The following FHIT variants were observed in gnomAD, a reference collection of about 807,000 sequenced individuals.
The protein encoded by FHIT is bis(5'-adenosyl)-triphosphatase.
FHIT carries 19 observed loss-of-function variants against 17.9 expected under a neutral mutation model. The observed-to-expected ratio is 1.06, with a 90% CI of 0.74 to 1.56. The LOEUF is 1.56. FHIT is among the 40% of genes most tolerant of loss of function. FHIT has a pLI of 0.00. For missense variants in FHIT, 248 were observed against 189.2 expected (o/e 1.31, Z -1.82); for synonymous variants, 81 against 69.7 (o/e 1.16, Z -0.81).
At chr3:61,192,728 C>T (rs1053062799) in intron 2 of FHIT, among the ~76,000 whole-genome samples, 1 of 152,028 alleles carries the variant, frequency 6.6e-6, no homozygotes, top group Non-Finnish European at 1.5e-5. Context: ...TAATTCCACC[C>T]ACATTCCCCA....
At position 60,521,590 on chromosome 3, in the gene FHIT, A is replaced by C. The variant is rs966125246; in HGVS notation, c.103+15270T>G. On this transcript the variant is annotated intron_variant, in intron 5 of 9. Transcript: ENST00000492590. ...ACCATGCTTCCAATATGCCAAATTT[A>C]TTCATTCTTCTGACTTCCATATCAC... Among the ~76,000 whole-genome samples, 3 of 152,300 alleles carry C rather than the reference A, an allele frequency of 2.0e-5. No individual in the cohort carries two copies. The Middle Eastern group carries it at 0.01, about 518-fold the overall frequency.
chr3:60,982,703 C>T (rs1425040268), intron 3 of FHIT, among the ~76,000 whole-genome samples: 1 of 152,176 alleles, frequency 6.6e-6, no homozygotes, highest in Non-Finnish European at 1.5e-5. Flanking sequence ...CACTTGTATC[C>T]TGTGATAAAC....
intron 5 of FHIT, among the ~76,000 whole-genome samples, chr3:60,413,024 T>A (rs1237729360): frequency 2.0e-5 from 3 of 152,152 alleles, no homozygotes; most frequent in Admixed American, 6.5e-5. Flanking sequence ...AAGCCCTTTT[T>A]CTTTACAGAT....
chr3:60,402,436 G>C (rs1701699561), intron 5 of FHIT, among the ~76,000 whole-genome samples: 1 of 152,124 alleles, frequency 6.6e-6, no homozygotes, highest in South Asian at 2.1e-4. Context: ...TCCAGGTATA[G>C]TTATAATCCT....
chr3:59,952,216 A>G (rs1219515323), intron 7 of FHIT, among the ~76,000 whole-genome samples: 3 of 152,156 alleles, frequency 2.0e-5, no homozygotes, highest in Non-Finnish European at 2.9e-5. Flanking sequence ...ATGATTTCAC[A>G]TCCCAAATCT....
chr3:59,858,365 T>G (rs993609877), intron 8 of FHIT, among the ~76,000 whole-genome samples: 1 of 150,550 alleles, frequency 6.6e-6, no homozygotes, highest in African/African-American at 2.4e-5. Context: ...TAGCTGGGAT[T>G]ACAGGCGCCC....
At chr3:60,066,750 G>A (rs948063088) in intron 5 of FHIT, among the ~76,000 whole-genome samples, 8 of 140,166 alleles carry the variant, frequency 5.7e-5, no homozygotes, top group South Asian at 2.3e-4. Context: ...TCCGCCTCGC[G>A]GGTTCACGCC....
At chr3:60,356,016 A>G (rs959138467) in intron 5 of FHIT, among the ~76,000 whole-genome samples, 1 of 152,206 alleles carries the variant, frequency 6.6e-6, no homozygotes, top group Admixed American at 6.5e-5. Context: ...CAGAGATCCA[A>G]AAATAATAAC....
chr3:60,953,808 G>A (rs1021388287), intron 3 of FHIT, among the ~76,000 whole-genome samples: 5 of 152,166 alleles, frequency 3.3e-5, no homozygotes, highest in African/African-American at 4.8e-5. Flanking sequence ...AGACGAAGAC[G>A]AGAAGGGTGC....
chr3:60,008,316 G>A lies in FHIT; in HGVS notation c.279+3055C>T, dbSNP rs138158461. The stretch of plus-strand genomic sequence containing the variant: ...GCAATAATCACCTTGTGGATGGCAG[G>A]GTTCTACTCCTTTTAAACCCAAAAA... On this transcript the variant is annotated intron_variant, in intron 7 of 9. Coordinates refer to ENST00000492590, the MANE Select transcript of FHIT (RefSeq NM_002012.4). 6.5e-4 allele frequency among the ~76,000 whole-genome samples: 99 copies of A among 152,076 alleles called. 1 individual carries two copies. Among genetic ancestry groups the A allele is most frequent in the African/African-American group, 2.3e-3 (97 of 41,508 alleles).
intron 3 of FHIT, among the ~76,000 whole-genome samples, chr3:60,832,959 T>C (rs1162001325): frequency 1.3e-5 from 2 of 152,212 alleles, no homozygotes; most frequent in Non-Finnish European, 2.9e-5. Context: ...TATATGTTGC[T>C]AGTGGCTACC....
At chr3:60,978,664 A>G (rs556338132) in intron 3 of FHIT, among the ~76,000 whole-genome samples, 3 of 152,234 alleles carry the variant, frequency 2.0e-5, no homozygotes, top group Non-Finnish European at 4.4e-5. Flanking sequence ...TAAACTGGGT[A>G]TGCCATTTTT....
intron 5 of FHIT, among the ~76,000 whole-genome samples, chr3:60,290,917 T>C (rs1707954493): frequency 1.3e-5 from 2 of 152,148 alleles, no homozygotes; most frequent in South Asian, 2.1e-4. Context: ...AGGCAGCTCA[T>C]GGGGGCTGGA....
chr3:59,871,922 G>A (rs1177731601), intron 8 of FHIT, among the ~76,000 whole-genome samples: 1 of 152,174 alleles, frequency 6.6e-6, no homozygotes, highest in African/African-American at 2.4e-5. Flanking sequence ...TGTGATACGT[G>A]TTACAGAGAT....
intron 8 of FHIT, among the ~76,000 whole-genome samples, chr3:59,846,189 C>T (rs1701712423): frequency 6.6e-6 from 1 of 151,844 alleles, no homozygotes; most frequent in Non-Finnish European, 1.5e-5. Flanking sequence ...TTCCTGTCTT[C>T]TTTTGTGTTT....
intron 5 of FHIT, among the ~76,000 whole-genome samples, chr3:60,508,836 G>A (rs1355163874): frequency 6.6e-6 from 1 of 151,912 alleles, no homozygotes; most frequent in Non-Finnish European, 1.5e-5. Context: ...TTCTCAAAAA[G>A]CCAATTATAA....
At chr3:60,804,014 C>T (rs530449622) in intron 4 of FHIT, among the ~76,000 whole-genome samples, 14 of 152,308 alleles carry the variant, frequency 9.2e-5, no homozygotes, top group African/African-American at 1.9e-4. Context: ...TAATTGCCAC[C>T]CTCGGATGAC....
chr3:60,277,429 G>C (rs898527630), intron 5 of FHIT, among the ~76,000 whole-genome samples: 1 of 152,224 alleles, frequency 6.6e-6, no homozygotes, highest in African/African-American at 2.4e-5. Context: ...AATGCCAGCA[G>C]TTGTGCCAAT....
At chr3:60,406,540 C>T (rs1453150387) in intron 5 of FHIT, among the ~76,000 whole-genome samples, 1 of 152,166 alleles carries the variant, frequency 6.6e-6, no homozygotes, top group Non-Finnish European at 1.5e-5. Flanking sequence ...AGCTTCCTTT[C>T]TTTATCGTTT....
Sources: allele counts gnomAD v4.1 joint callset (sites outside exome capture counted in the v4.1 genomes callset), GRCh38; gene constraint gnomAD v4.1.1; transcripts MANE v1.5; gene names NCBI Gene and HGNC (gene_info 2026-07-23, HGNC 2026-07-21).